Variants in LTBP1 observed in about 807,000 individuals in gnomAD.
LTBP1 encodes the protein latent transforming growth factor beta binding protein 1, also known as latent-transforming growth factor beta-binding protein 1.
In LTBP1, 129 loss-of-function variants were observed where a neutral mutation model predicts 207.6. The observed-to-expected ratio is 0.62, with a 90% CI of 0.54 to 0.72. The LOEUF is 0.72. Ranked by LOEUF, LTBP1 falls within the 30% of genes least tolerant of loss-of-function variation. The probability of loss-of-function intolerance (pLI) is 0.00; values close to 1 mark genes in which losing one functional copy is unlikely to be tolerated. For missense variants in LTBP1, 2,281 were observed against 2,217.2 expected (o/e 1.03, Z -0.58); for synonymous variants, 963 against 833.7 (o/e 1.16, Z -2.67).
At chr2:33,004,477 T>G (rs1686490586) in intron 2 of LTBP1, among the ~76,000 whole-genome samples, 2 of 152,134 alleles carry the variant, frequency 1.3e-5, no homozygotes, top group African/African-American at 2.4e-5. Flanking sequence ...ATAAGTCAAT[T>G]TTTTTGTATA....
intron 7 of LTBP1, among the ~76,000 whole-genome samples, chr2:33,196,544 G>C (rs921575519): frequency 1.2e-4 from 18 of 152,118 alleles, no homozygotes; most frequent in African/African-American, 4.3e-4. Flanking sequence ...AAAAAAAGGA[G>C]ATGACTATAG....
chr2:33,345,285 A>G (rs2094687247), intron 25 of LTBP1, among the ~76,000 whole-genome samples: 1 of 152,194 alleles, frequency 6.6e-6, no homozygotes, highest in Non-Finnish European at 1.5e-5. Context: ...AAGCATGTAC[A>G]ATTATTTTGT....
intron 3 of LTBP1, among the ~76,000 whole-genome samples, chr2:33,043,475 C>G (rs2076293434): frequency 6.6e-6 from 1 of 152,078 alleles, no homozygotes; most frequent in Non-Finnish European, 1.5e-5. Flanking sequence ...TTGGAGAAGA[C>G]AGTAGAGTGT....
At chr2:33,010,695 C>A (rs1198596017) in intron 2 of LTBP1, among the ~76,000 whole-genome samples, 1 of 150,442 alleles carries the variant, frequency 6.6e-6, no homozygotes, top group Non-Finnish European at 1.5e-5. Flanking sequence ...TTTTTGATGA[C>A]TGTATCACAT....
At chr2:33,242,213 G>A (rs1471719836) in intron 9 of LTBP1, among the ~76,000 whole-genome samples, 2 of 152,060 alleles carry the variant, frequency 1.3e-5, no homozygotes, top group African/African-American at 2.4e-5. Flanking sequence ...GTGATTGAGG[G>A]CTGTATTTTC....
intron 24 of LTBP1, among the ~76,000 whole-genome samples, chr2:33,336,767 A>G (rs2149567437): frequency 6.6e-6 from 1 of 152,340 alleles, no homozygotes; most frequent in South Asian, 2.1e-4. Flanking sequence ...TAAGAGAAGG[A>G]GATGTTAAGA....
chr2:33,287,485 G>C (rs932562347), intron 19 of LTBP1, among the ~76,000 whole-genome samples: 8 of 152,206 alleles, frequency 5.3e-5, no homozygotes, highest in Non-Finnish European at 8.8e-5. Context: ...ACATGGGCTG[G>C]AATCATCCCT....
In LTBP1 at chr2:32,947,377, C is replaced by T; in HGVS notation, c.53C>T (p.Ala18Val). The T allele has an allele frequency of 3.7e-6, 5 of 1,367,622 alleles. No homozygotes were observed. Among genetic ancestry groups the T allele is most frequent in the Non-Finnish European group, 4.7e-6 (5 of 1,061,808 alleles). The allele number at this position is 1,367,622 out of a possible 1,614,324, so 84.7% of individuals were successfully genotyped here. Residue 18 changes from alanine to valine, a missense_variant, in exon 1 of 34, where the codon GCG becomes GTG. By Grantham distance (64) the Ala-to-Val change is moderately conservative (BLOSUM62 0). This residue lies in a region of LTBP1 where 555 missense variants were observed against 491.0 expected (regional missense o/e 1.13). Transcript: ENST00000404816. ...CTCCTGCTCTGGGCAGGGCTCCTCG[C>T]GTCCTCGGCGCACGGCCGGCTGCGG... is the stretch of plus-strand genomic sequence containing the variant. Reference protein sequence around the residue: ...WGLLLWAGLLASSAHGRLRRI... With the variant: ...WGLLLWAGLLVSSAHGRLRRI...
intron 3 of LTBP1, among the ~76,000 whole-genome samples, chr2:33,026,837 A>C (rs1209547094): frequency 6.6e-6 from 1 of 152,256 alleles, no homozygotes; most frequent in Non-Finnish European, 1.5e-5. Flanking sequence ...AAAAGTGTAC[A>C]GTCTAGTGAT....
intron 9 of LTBP1, among the ~76,000 whole-genome samples, chr2:33,240,038 T>G (rs1022767639): frequency 6.6e-6 from 1 of 152,234 alleles, no homozygotes; most frequent in Non-Finnish European, 1.5e-5. Flanking sequence ...TTTTATTTGA[T>G]TAAAGAAAGA....
chr2:33,257,344 G>A lies in LTBP1; in HGVS notation c.2228G>A (p.Arg743His), dbSNP rs376662600. 10 of 1,614,046 alleles carry A rather than the reference G, an allele frequency of 6.2e-6. No individual in the cohort carries two copies. The highest frequency in any genetic ancestry group is 3.3e-5 in the South Asian group (3 of 91,086). ...MGYTVSGVHR[R>H]RPIHHHVGKG... ...TATACGGTTTCTGGCGTTCATAGAC[G>A]CAGGCCAATCCATCACCATGTAGGT... The change falls in exon 12 of 34, where the codon CGC becomes CAC. Residue 743 changes from arginine (R) to histidine (H), a missense_variant. Coordinates refer to ENST00000404816, the MANE Select transcript of LTBP1 (RefSeq NM_206943.4).
intron 24 of LTBP1, among the ~76,000 whole-genome samples, chr2:33,320,396 GAAA>G (rs57890814): frequency 2.4e-5 from 3 of 124,818 alleles, no homozygotes; most frequent in Non-Finnish European, 1.7e-5. Flanking sequence ...TAAACTCTGT[GAAA>G]AAAAAAAAAA....
Position 33,115,556 on chromosome 2 carries a change from G to A in LTBP1, c.1033+4805G>A, listed in dbSNP as rs181442510. 2.8e-4 allele frequency among the ~76,000 whole-genome samples: 42 copies of A among 152,232 alleles called. No individual in the cohort carries two copies. The Middle Eastern group carries it at 0.01, about 37-fold the overall frequency. ...ATTTATGAAAAATTATTGCCAAGTA[G>A]GTAGTTATGAGACTCAGTTTCAGCT... On this transcript the variant is annotated intron_variant, in intron 4 of 33. Coordinates refer to ENST00000404816, the MANE Select transcript of LTBP1 (RefSeq NM_206943.4).
intron 2 of LTBP1, among the ~76,000 whole-genome samples, chr2:32,961,089 T>C (rs1479753047): frequency 2.0e-5 from 3 of 152,208 alleles, no homozygotes; most frequent in Admixed American, 1.3e-4. Context: ...AAAAATATCT[T>C]ACGTAGAAAA....
intron 22 of LTBP1, among the ~76,000 whole-genome samples, chr2:33,304,242 A>G (rs2094047721): frequency 2.0e-5 from 3 of 152,294 alleles, no homozygotes. Flanking sequence ...ACTGGAGTCC[A>G]TCCAACTAAT....
chr2:33,037,631 C>G (rs2075987915), intron 3 of LTBP1, among the ~76,000 whole-genome samples: 1 of 152,108 alleles, frequency 6.6e-6, no homozygotes, highest in South Asian at 2.1e-4. Context: ...TCCTCTGATT[C>G]TGGCTTGTTT....
At chr2:33,245,880 G>C (rs2092492052) in intron 10 of LTBP1, among the ~76,000 whole-genome samples, 1 of 152,310 alleles carries the variant, frequency 6.6e-6, no homozygotes, top group African/African-American at 2.4e-5. Context: ...TAAACTTGCA[G>C]AACTAGTCAC....
At chr2:33,364,954 T>C (rs2094967504) in intron 30 of LTBP1, among the ~76,000 whole-genome samples, 2 of 152,212 alleles carry the variant, frequency 1.3e-5, no homozygotes, top group African/African-American at 4.8e-5. Context: ...TAAGAAGGCA[T>C]GAATCCAATA....
chr2:32,948,024 A>G (rs1355548662), intron 1 of LTBP1, among the ~76,000 whole-genome samples: 2 of 151,840 alleles, frequency 1.3e-5, no homozygotes, highest in African/African-American at 4.8e-5. Context: ...CTGACGTGAA[A>G]CTCCGAGTGC....
Sources: allele counts gnomAD v4.1 joint callset (sites outside exome capture counted in the v4.1 genomes callset), GRCh38; gene constraint gnomAD v4.1.1; regional missense constraint gnomAD v4.1.1; transcripts MANE v1.5; gene names NCBI Gene and HGNC (gene_info 2026-07-23, HGNC 2026-07-21).